CDH13: variants seen among roughly 807,000 people sequenced by gnomAD.
CDH13 encodes cadherin 13.
Under a neutral mutation model 63.8 loss-of-function variants are expected in CDH13, and 24 were observed. The ratio of observed to expected loss-of-function variants is 0.38; its 90% CI spans 0.27 to 0.53. The LOEUF (loss-of-function observed/expected upper bound fraction) is 0.53. Among genes scored for constraint, CDH13 ranks in the 20% least tolerant of loss-of-function variants. The pLI is 0.85. For synonymous variants in CDH13, 503 were observed against 355.3 expected (o/e 1.42, Z -4.67); for missense variants, 1,049 against 903.1 (o/e 1.16, Z -2.07).
chr16:82,836,006 G>A (rs2038752422), intron 1 of CDH13, among the ~76,000 whole-genome samples: 5 of 152,208 alleles, frequency 3.3e-5, no homozygotes, highest in Admixed American at 3.3e-4. Flanking sequence ...TTCACTCACA[G>A]CATGTGTCAT....
At chr16:83,460,038 A>G (rs2073134196) in intron 6 of CDH13, among the ~76,000 whole-genome samples, 1 of 152,252 alleles carries the variant, frequency 6.6e-6, no homozygotes, top group South Asian at 2.1e-4. Flanking sequence ...ACAAGATTAT[A>G]TAAAGAACTT....
At chr16:82,663,301 C>T (rs1463551485) in intron 1 of CDH13, among the ~76,000 whole-genome samples, 1 of 152,208 alleles carries the variant, frequency 6.6e-6, no homozygotes, top group Non-Finnish European at 1.5e-5. Flanking sequence ...ATTCTCTTGC[C>T]TCAGCCTCTG....
chr16:82,858,702 C>G (rs2039806768), intron 2 of CDH13: 2 of 599,066 alleles, frequency 3.3e-6, no homozygotes, highest in African/African-American at 1.9e-5. Flanking sequence ...CAGTGGGTAT[C>G]TCCATACTGC....
At chr16:82,685,795 A>C (rs530051359) in intron 1 of CDH13, among the ~76,000 whole-genome samples, 65 of 152,312 alleles carry the variant, frequency 4.3e-4, no homozygotes, top group African/African-American at 1.6e-3. Flanking sequence ...GGTTTAACCA[A>C]GTCTAGAATG....
chr16:82,901,324 CTGTGTG>C (rs61370328), intron 2 of CDH13, among the ~76,000 whole-genome samples: 393 of 130,452 alleles, frequency 3.0e-3, no homozygotes, highest in East Asian at 7.8e-3. Context: ...TAGTATTCTC[CTGTGTG>C]TGTGTGTGTG....
rs549943529 is a variant in CDH13 at position 83,551,911 on chromosome 16, G to A, written c.961-50543G>A. ...TGTTAGTTGAAAGAAAAAATGGATGGATGAATGGATGGATGGATGGATGGG... is the reference window on the plus strand; with the variant it reads ...TGTTAGTTGAAAGAAAAAATGGATGAATGAATGGATGGATGGATGGATGGG... On this transcript the variant is annotated intron_variant, in intron 7 of 13. Transcript: ENST00000567109. 3.9e-5 allele frequency among the ~76,000 whole-genome samples: 6 copies of A among 152,314 alleles called. No individual in the cohort carries two copies. The South Asian group carries it at 1.0e-3, about 26-fold the overall frequency.
intron 5 of CDH13, among the ~76,000 whole-genome samples, chr16:83,301,123 C>T (rs529569726): frequency 2.0e-5 from 3 of 148,618 alleles, no homozygotes; most frequent in East Asian, 2.0e-4. Context: ...CCTCTGCCTC[C>T]GGGGTTCGAG....
intron 5 of CDH13, among the ~76,000 whole-genome samples, chr16:83,341,909 C>G (rs1316477642): frequency 1.3e-5 from 2 of 151,670 alleles, no homozygotes; most frequent in Non-Finnish European, 2.9e-5. Context: ...TTTCCACTTT[C>G]TTGTCATTCA....
chr16:83,251,436 A>G (rs1905517933), intron 5 of CDH13, among the ~76,000 whole-genome samples: 1 of 152,196 alleles, frequency 6.6e-6, no homozygotes, highest in Admixed American at 6.5e-5. Context: ...GGATTTGCAC[A>G]GTTACCCAGC....
intron 2 of CDH13, among the ~76,000 whole-genome samples, chr16:82,866,656 G>A (rs934363192): frequency 6.6e-6 from 1 of 151,996 alleles, no homozygotes; most frequent in Non-Finnish European, 1.5e-5. Context: ...CTGAGACTGG[G>A]TAGTTTATAA....
intron 1 of CDH13, among the ~76,000 whole-genome samples, chr16:82,694,130 G>A (rs1268753835): frequency 6.6e-6 from 1 of 152,168 alleles, no homozygotes; most frequent in East Asian, 1.9e-4. Flanking sequence ...TGTCTCCCCA[G>A]TTAATTTATT....
chr16:83,399,558 G>C (rs909175985), intron 6 of CDH13, among the ~76,000 whole-genome samples: 1 of 152,118 alleles, frequency 6.6e-6, no homozygotes, highest in Non-Finnish European at 1.5e-5. Flanking sequence ...GAGATATGGG[G>C]ACTTTGTCTC....
chr16:83,471,333 G>C (rs1284186270), intron 6 of CDH13, among the ~76,000 whole-genome samples: 2 of 145,594 alleles, frequency 1.4e-5, no homozygotes, highest in Non-Finnish European at 3.0e-5. Context: ...GGAGTGCAGT[G>C]GTATGATCTC....
At chr16:82,830,537 G>A (rs2038489375) in intron 1 of CDH13, among the ~76,000 whole-genome samples, 1 of 152,178 alleles carries the variant, frequency 6.6e-6, no homozygotes, top group African/African-American at 2.4e-5. Flanking sequence ...GTTTGCTTGT[G>A]AATGGTGAGG....
At chr16:83,000,572 C>T (rs112016995) in intron 2 of CDH13, among the ~76,000 whole-genome samples, 17,858 of 133,790 alleles carry the variant, frequency 0.13, 1,353 homozygotes, top group African/African-American at 0.23. Context: ...TTTTTCTTTT[C>T]TCTTTTTTTT....
At chr16:83,570,838 ATT>A (rs57932482) in intron 7 of CDH13, among the ~76,000 whole-genome samples, 37,094 of 116,068 alleles carry the variant, frequency 0.32, 5,948 homozygotes, top group East Asian at 0.46. Flanking sequence ...AAAAATTTAT[ATT>A]TTTATATATA....
chr16:83,585,823 C>A (rs766524432), intron 7 of CDH13, among the ~76,000 whole-genome samples: 2 of 152,120 alleles, frequency 1.3e-5, no homozygotes, highest in Non-Finnish European at 2.9e-5. Flanking sequence ...AATCTTTGGA[C>A]TAGTACCAAC....
chr16:82,684,747 A>C (rs1024281481), intron 1 of CDH13, among the ~76,000 whole-genome samples: 9 of 152,166 alleles, frequency 5.9e-5, no homozygotes, highest in Admixed American at 5.2e-4. Flanking sequence ...TACAGAAAGC[A>C]CGGCATTTGA....
intron 7 of CDH13, among the ~76,000 whole-genome samples, chr16:83,583,770 A>G (rs1169492442): frequency 2.6e-5 from 4 of 151,832 alleles, no homozygotes; most frequent in Admixed American, 6.6e-5. Context: ...GAAAAAAAAA[A>G]GCCGGGCATG....
Sources: allele counts gnomAD v4.1 joint callset (sites outside exome capture counted in the v4.1 genomes callset), GRCh38; gene constraint gnomAD v4.1.1; transcripts MANE v1.5; gene names NCBI Gene and HGNC (gene_info 2026-07-23, HGNC 2026-07-21).